Variants in GLRA3 observed in about 807,000 individuals in gnomAD.
GLRA3 encodes the protein glycine receptor subunit alpha-3.
GLRA3 carries 44 observed loss-of-function variants against 60.4 expected under a neutral mutation model. That is an observed-to-expected ratio of 0.73 (90% CI 0.57 to 0.94). The LOEUF (loss-of-function observed/expected upper bound fraction) is 0.94. Among genes scored for constraint, GLRA3 ranks in the 40% least tolerant of loss-of-function variants. GLRA3 has a pLI of 0.00. For synonymous variants in GLRA3, 223 were observed against 192.9 expected, an observed-to-expected ratio of 1.16 and a Z score of -1.29; for missense variants, 508 against 564.6, an observed-to-expected ratio of 0.90 and a Z score of 1.02.
At chr4:174,777,113 G>C (rs976571525) in intron 2 of GLRA3, among the ~76,000 whole-genome samples, 2 of 152,096 alleles carry the variant, frequency 1.3e-5, no homozygotes, top group African/African-American at 4.8e-5. Flanking sequence ...ACACAAAACA[G>C]TGCCAGCATA....
At chr4:174,812,316 A>G (rs1332061831) in intron 1 of GLRA3, among the ~76,000 whole-genome samples, 2 of 152,160 alleles carry the variant, frequency 1.3e-5, no homozygotes, top group Admixed American at 6.6e-5. Context: ...TTGCAGTGAA[A>G]TCATTCTAAA....
rs141821006 is a variant in GLRA3 at position 174,767,803 on chromosome 4, G to A, written c.200-773C>T. ...CAGAAGTGAGATACTGGGACTCTCT[G>A]AGGACTTCCCTGGACAGGCACACAG... On this transcript the variant is annotated intron_variant, in intron 2 of 9. Coordinates refer to ENST00000274093, the MANE Select transcript of GLRA3 (RefSeq NM_006529.4). 1.8e-4 allele frequency among the ~76,000 whole-genome samples: 27 copies of A among 152,098 alleles called. No individual in the cohort carries two copies. In the East Asian group the frequency reaches 4.1e-3, roughly 23 times the overall value.
chr4:174,703,880 G>C (rs1359993899), intron 5 of GLRA3, among the ~76,000 whole-genome samples: 1 of 152,130 alleles, frequency 6.6e-6, no homozygotes, highest in Non-Finnish European at 1.5e-5. Context: ...TTGAACACCA[G>C]GGTCCTGTTT....
At chr4:174,800,400 A>G (rs776811254) in intron 1 of GLRA3, among the ~76,000 whole-genome samples, 4 of 152,108 alleles carry the variant, frequency 2.6e-5, no homozygotes, top group Non-Finnish European at 4.4e-5. Flanking sequence ...AATTCAGGAA[A>G]GTGAGGTTTT....
At position 174,714,031 on chromosome 4, in the gene GLRA3, T is replaced by C. The variant is rs764782030; in HGVS notation, c.574+1457A>G. 7.8e-4 allele frequency among the ~76,000 whole-genome samples: 118 copies of C among 152,206 alleles called. 1 individual carries two copies. Among genetic ancestry groups the C allele is most frequent in the Non-Finnish European group, 2.1e-4 (14 of 68,038 alleles). ...TCTGACACACAGGCATTCAGTGACT[T>C]CACAACCACTGCGAATCAGCCTCTC... On this transcript the variant is annotated intron_variant, in intron 5 of 9. Coordinates refer to ENST00000274093, the MANE Select transcript of GLRA3 (RefSeq NM_006529.4).
chr4:174,724,384 T>C (rs1159188626), intron 4 of GLRA3, among the ~76,000 whole-genome samples: 1 of 152,090 alleles, frequency 6.6e-6, no homozygotes, highest in African/African-American at 2.4e-5. Context: ...CAAATCCTCT[T>C]CCCAGTTAAC....
At position 174,643,355 on chromosome 4, in the gene GLRA3, T is replaced by C. The variant is rs1732685206; in HGVS notation, c.*431A>G. The C allele has an allele frequency of 2.7e-5, 10 of 366,328 alleles. No homozygotes were observed. Among genetic ancestry groups the C allele is most frequent in the Non-Finnish European group, 3.1e-5 (10 of 327,196 alleles). 22.7% of individuals were successfully genotyped at this position (366,328 alleles called of 1,614,324 possible). On this transcript the variant is annotated 3_prime_UTR_variant, in exon 10 of 10. Transcript: ENST00000274093. Reference sequence around the variant, plus strand: ...TAATTATTTTCCCATTTTGTAACTATACTATAAGAAAATAGTTTTAAATCT... The same window carrying C: ...TAATTATTTTCCCATTTTGTAACTACACTATAAGAAAATAGTTTTAAATCT...
chr4:174,816,625 TG>T (rs1346108330), intron 1 of GLRA3, among the ~76,000 whole-genome samples: 1 of 151,306 alleles, frequency 6.6e-6, no homozygotes, highest in Non-Finnish European at 1.5e-5. Flanking sequence ...AATGGACAAG[TG>T]GTTTTTTTTT....
chr4:174,660,033 T>A (rs527621988), intron 7 of GLRA3, among the ~76,000 whole-genome samples: 1 of 151,940 alleles, frequency 6.6e-6, no homozygotes, highest in South Asian at 2.1e-4. Flanking sequence ...TTTAACTACA[T>A]TTATTGTTGT....
intron 4 of GLRA3, among the ~76,000 whole-genome samples, chr4:174,725,599 G>A (rs1287390784): frequency 6.6e-6 from 1 of 152,104 alleles, no homozygotes; most frequent in South Asian, 2.1e-4. Flanking sequence ...TCCCACCTTA[G>A]TCTTCCTAGT....
chr4:174,822,818 C>A (rs886919296), intron 1 of GLRA3, among the ~76,000 whole-genome samples: 9 of 152,152 alleles, frequency 5.9e-5, no homozygotes, highest in African/African-American at 2.2e-4. Context: ...GTATGCTATT[C>A]CTAATTGTAC....
At chr4:174,718,347 A>C (rs1445099658) in intron 4 of GLRA3, among the ~76,000 whole-genome samples, 1 of 152,236 alleles carries the variant, frequency 6.6e-6, no homozygotes, top group Admixed American at 6.5e-5. Context: ...TTACTTGTGT[A>C]AGAGAGACAC....
chr4:174,759,170 GT>G (rs1189208860), intron 3 of GLRA3, among the ~76,000 whole-genome samples: 1 of 152,064 alleles, frequency 6.6e-6, no homozygotes, highest in East Asian at 1.9e-4. Context: ...AAGTGGCAGA[GT>G]GTGTAAGTAC....
chr4:174,688,310 C>G (rs1734626954), intron 5 of GLRA3, among the ~76,000 whole-genome samples: 1 of 94,680 alleles, frequency 1.1e-5, no homozygotes, highest in South Asian at 3.7e-4. Context: ...CTTATCCTTA[C>G]CTGACATCAT....
chr4:174,667,162 G>A (rs1733709073), intron 7 of GLRA3, among the ~76,000 whole-genome samples: 1 of 152,050 alleles, frequency 6.6e-6, no homozygotes, highest in African/African-American at 2.4e-5. Context: ...TAGTGGCACA[G>A]GTTGTTTCTG....
At chr4:174,669,968 A>C (rs1733840939) in intron 7 of GLRA3, among the ~76,000 whole-genome samples, 1 of 152,230 alleles carries the variant, frequency 6.6e-6, no homozygotes. Context: ...TACTTTCGTC[A>C]CCAGACAAGG....
chr4:174,676,485 T>C (rs929767876), intron 7 of GLRA3, among the ~76,000 whole-genome samples: 1 of 152,164 alleles, frequency 6.6e-6, no homozygotes, highest in Non-Finnish European at 1.5e-5. Flanking sequence ...TATAAGAATA[T>C]ATGCTAAGAA....
intron 3 of GLRA3, among the ~76,000 whole-genome samples, chr4:174,746,524 G>C (rs933095802): frequency 1.3e-5 from 2 of 152,160 alleles, no homozygotes; most frequent in Non-Finnish European, 2.9e-5. Context: ...GAGGGATTAA[G>C]AGAGGTTGGT....
intron 2 of GLRA3, among the ~76,000 whole-genome samples, chr4:174,785,938 T>G (rs1289632553): frequency 1.4e-5 from 2 of 138,066 alleles, no homozygotes; most frequent in South Asian, 2.4e-4. Flanking sequence ...CCTGGCTAGT[T>G]TTTTTTTTTT....
Sources: gnomAD v4.1 joint callset for allele counts (sites outside exome capture counted in the v4.1 genomes callset) on GRCh38, gnomAD v4.1.1 for gene constraint, MANE v1.5 for transcripts, NCBI Gene and HGNC (gene_info 2026-07-23, HGNC 2026-07-21) for gene names.